UBE2E1: variants seen among roughly 807,000 people sequenced by gnomAD.
The protein encoded by UBE2E1 is ubiquitin conjugating enzyme E2 E1, also known as ubiquitin-conjugating enzyme E2 E1.
Under a neutral mutation model 21.4 loss-of-function variants are expected in UBE2E1, and 6 were observed. The ratio of observed to expected loss-of-function variants is 0.28; its 90% CI spans 0.15 to 0.55. The LOEUF (loss-of-function observed/expected upper bound fraction) is 0.55, where lower values mean the gene tolerates loss of function less well. UBE2E1 is among the 20% of genes least tolerant of loss of function. UBE2E1 has a pLI of 0.93. For missense variants in UBE2E1, 142 were observed against 236.5 expected (o/e 0.60, Z 2.62); for synonymous variants, 87 against 82.7 (o/e 1.05, Z -0.28).
intron 3 of UBE2E1, among the ~76,000 whole-genome samples, chr3:23,877,535 C>T (rs1478396151): frequency 1.3e-5 from 2 of 152,292 alleles, no homozygotes; most frequent in East Asian, 3.9e-4. Context: ...GCCATTAGCA[C>T]CTCCCTCCCG....
chr3:23,889,079 G>A (rs992014278), intron 4 of UBE2E1, 33 bp from the exon 5 acceptor site: 5 of 1,571,226 alleles, frequency 3.2e-6, no homozygotes, highest in Admixed American at 1.9e-5. Flanking sequence ...TTTGTTTGCT[G>A]TTTAAATATT....
At chr3:23,807,146 C>A in intron 1 of UBE2E1, 91 bp from the exon 2 acceptor site, 1 of 1,148,126 alleles carries the variant, frequency 8.7e-7, no homozygotes, top group Non-Finnish European at 1.2e-6. Context: ...GCGTGCGCCC[C>A]TGGTCAATGC....
chr3:23,823,684 G>A lies in UBE2E1; in HGVS notation c.203+12174G>A, dbSNP rs965842044. 1.3e-5 allele frequency among the ~76,000 whole-genome samples: 2 copies of A among 152,180 alleles called. No individual in the cohort carries two copies. The highest frequency in any genetic ancestry group is 2.9e-5 in the Non-Finnish European group (2 of 68,020). On this transcript the variant is annotated intron_variant, in intron 3 of 5. Transcript: ENST00000306627. The surrounding 1 kb of genome is among the most constrained non-coding windows in gnomAD (Gnocchi z 4.2). ...AAAGAAAACATTTGTTTTATTACAA[G>A]CACCCAGGAGGATTTTTTATAAACA...
Position 23,810,435 on chromosome 3 carries a change from AG to A in UBE2E1, c.153-1023del. The A allele has an allele frequency of 6.5e-7, 1 of 1,535,252 alleles. No homozygotes were observed. The highest frequency in any genetic ancestry group is 1.4e-5 in the African/African-American group (1 of 73,112). Reference sequence around the variant, plus strand: ...GGTTGGTGCGGAGGGAGAAAACTGCAGGTCTCCAGTCTATCCCCAGTGTGAG... The same window carrying A: ...GGTTGGTGCGGAGGGAGAAAACTGCAGTCTCCAGTCTATCCCCAGTGTGAG... On this transcript the variant is annotated intron_variant, in intron 2 of 5. Coordinates refer to ENST00000306627, the MANE Select transcript of UBE2E1 (RefSeq NM_003341.5). This position sits in a 1 kb window ranked among gnomAD's most constrained non-coding sequence, Gnocchi z 5.8.
At chr3:23,831,152 G>A (rs949362577) in intron 3 of UBE2E1, among the ~76,000 whole-genome samples, 8 of 152,210 alleles carry the variant, frequency 5.3e-5, no homozygotes, top group Non-Finnish European at 1.2e-4. Flanking sequence ...TAAATAAAAA[G>A]ATAATATTAT....
chr3:23,809,543 G>A (rs914711331), intron 2 of UBE2E1, among the ~76,000 whole-genome samples: 3 of 152,230 alleles, frequency 2.0e-5, no homozygotes, highest in Non-Finnish European at 4.4e-5. Context: ...AAATAGGTAT[G>A]AGTTACTCCT....
intron 2 of UBE2E1, among the ~76,000 whole-genome samples, chr3:23,809,639 G>A (rs914914268): frequency 6.6e-6 from 1 of 152,324 alleles, no homozygotes; most frequent in South Asian, 2.1e-4. Flanking sequence ...ACGCTTCTTA[G>A]GTATTAAAGA....
At position 23,870,890 on chromosome 3, in the gene UBE2E1, T is replaced by C. The variant is rs867424312; in HGVS notation, c.204-16677T>C. ...GAGTGGTGATGATTCTTAACGAGCA[T>C]GCTGCCTTCAAGCATCTGTTTAACA... On this transcript the variant is annotated intron_variant, in intron 3 of 5. Transcript: ENST00000306627. The surrounding 1 kb of genome is among the most constrained non-coding windows in gnomAD (Gnocchi z 4.2). 1.0e-3 allele frequency among the ~76,000 whole-genome samples: 156 copies of C among 152,242 alleles called. 2 individuals carry two copies. The highest frequency in any genetic ancestry group is 3.1e-3 in the Admixed American group (48 of 15,300).
At chr3:23,875,782 A>AT (rs1174316776) in intron 3 of UBE2E1, among the ~76,000 whole-genome samples, 2 of 151,978 alleles carry the variant, frequency 1.3e-5, no homozygotes, top group East Asian at 1.9e-4. Flanking sequence ...ACTAATGTGA[A>AT]TTTTTTTTGA....
At chr3:23,871,514 T>C (rs1414595830) in intron 3 of UBE2E1, among the ~76,000 whole-genome samples, 1 of 138,756 alleles carries the variant, frequency 7.2e-6, no homozygotes, top group Non-Finnish European at 1.5e-5. Flanking sequence ...TGGCGGGGGC[T>C]GACCCCCACC....
At chr3:23,877,373 C>T (rs1324872400) in intron 3 of UBE2E1, among the ~76,000 whole-genome samples, 1 of 152,126 alleles carries the variant, frequency 6.6e-6, no homozygotes, top group Non-Finnish European at 1.5e-5. Flanking sequence ...GAAGCTCTTC[C>T]CTTTACTAGC....
At chr3:23,815,609 C>A (rs970088183) in intron 3 of UBE2E1, among the ~76,000 whole-genome samples, 1 of 152,150 alleles carries the variant, frequency 6.6e-6, no homozygotes, top group Non-Finnish European at 1.5e-5. Flanking sequence ...GATGTCAGTT[C>A]AGAAGTCCCA....
At chr3:23,829,081 T>A (rs1575813103) in intron 3 of UBE2E1, among the ~76,000 whole-genome samples, 1 of 151,916 alleles carries the variant, frequency 6.6e-6, no homozygotes, top group East Asian at 1.9e-4. Context: ...GTATTTTTTA[T>A]TTTTTTCTTT....
At chr3:23,841,462 T>G (rs1036996841) in intron 3 of UBE2E1, among the ~76,000 whole-genome samples, 2 of 152,198 alleles carry the variant, frequency 1.3e-5, no homozygotes, top group African/African-American at 4.8e-5. Flanking sequence ...CTAATACGAT[T>G]AAAGGTCAAG....
At chr3:23,857,843 T>C (rs977576036) in intron 3 of UBE2E1, among the ~76,000 whole-genome samples, 1 of 152,214 alleles carries the variant, frequency 6.6e-6, no homozygotes, top group Non-Finnish European at 1.5e-5. Context: ...TGACCTTAGC[T>C]AGTCTTTTTT....
At chr3:23,882,447 C>T (rs1701068916) in intron 3 of UBE2E1, among the ~76,000 whole-genome samples, 1 of 152,284 alleles carries the variant, frequency 6.6e-6, no homozygotes, top group African/African-American at 2.4e-5. Flanking sequence ...CCCCACTTAA[C>T]TCAGGAGCCC....
chr3:23,843,951 A>G (rs1700143445), intron 3 of UBE2E1, among the ~76,000 whole-genome samples: 1 of 152,102 alleles, frequency 6.6e-6, no homozygotes, highest in Non-Finnish European at 1.5e-5. Flanking sequence ...TGCCATCTTT[A>G]TCCTGCAGTT....
Position 23,842,371 on chromosome 3 carries a change from G to A in UBE2E1, c.203+30861G>A, listed in dbSNP as rs544082973. ...AGGCAGTCCTCCCACCTCGCCTCCT[G>A]AGTAGCTGGGATGACAGGCACATGC... On this transcript the variant is annotated intron_variant, in intron 3 of 5. Transcript: ENST00000306627. This position sits in a 1 kb window ranked among gnomAD's most constrained non-coding sequence, Gnocchi z 4.6. 1.7e-4 allele frequency among the ~76,000 whole-genome samples: 26 copies of A among 152,212 alleles called. No individual in the cohort carries two copies. Among genetic ancestry groups the A allele is most frequent in the African/African-American group, 5.5e-4 (23 of 41,538 alleles).
At chr3:23,818,934 A>G (rs1699585162) in intron 3 of UBE2E1, among the ~76,000 whole-genome samples, 1 of 152,166 alleles carries the variant, frequency 6.6e-6, no homozygotes, top group Non-Finnish European at 1.5e-5. Context: ...GTAAGAACTT[A>G]GGTGTATGTT....
Sources: allele counts gnomAD v4.1 joint callset (sites outside exome capture counted in the v4.1 genomes callset), GRCh38; gene constraint gnomAD v4.1.1; non-coding constraint Gnocchi (gnomAD v3.1); transcripts MANE v1.5; gene names NCBI Gene and HGNC (gene_info 2026-07-23, HGNC 2026-07-21).